Variants in CENPH observed in about 807,000 individuals in gnomAD.
The protein encoded by CENPH is centromere protein H.
A neutral mutation model predicts 42.9 loss-of-function variants in CENPH; 40 were observed. The observed-to-expected ratio is 0.93, with a 90% CI of 0.72 to 1.21. CENPH has a LOEUF of 1.21. CENPH is among the 50% of genes most tolerant of loss of function. CENPH has a pLI of 0.00. For missense variants in CENPH, 302 were observed against 292.9 expected, an observed-to-expected ratio of 1.03 and a Z score of -0.23; for synonymous variants, 88 against 96.5, an observed-to-expected ratio of 0.91 and a Z score of 0.52.
chr5:69,204,071 A>ATATATATTATATATATATATAATTTATAT (rs1418890038), intron 7 of CENPH, among the ~76,000 whole-genome samples: 1 of 56,486 alleles, frequency 1.8e-5, no homozygotes, highest in Non-Finnish European at 3.5e-5. Context: ...AAATATATAT[A>ATATATATTATATATATATATAATTTATAT]ATATATAAAT....
At chr5:69,191,030 T>G (rs1299997481) in intron 1 of CENPH, among the ~76,000 whole-genome samples, 2 of 152,258 alleles carry the variant, frequency 1.3e-5, no homozygotes, top group Non-Finnish European at 2.9e-5. Flanking sequence ...GTTTTTCTAC[T>G]TATGTATGAT....
At chr5:69,193,665 T>G (rs1358560023) in intron 2 of CENPH, among the ~76,000 whole-genome samples, 2 of 148,234 alleles carry the variant, frequency 1.3e-5, no homozygotes, top group East Asian at 2.0e-4. Context: ...TTTTTTCTGT[T>G]TTTTTTTTTT....
At chr5:69,191,759 A>C (rs2112080017) in intron 1 of CENPH, 36 bp from the exon 2 acceptor site, 1 of 1,317,944 alleles carries the variant, frequency 7.6e-7, no homozygotes, top group Non-Finnish European at 1.1e-6. Context: ...TTAATCAATA[A>C]ATATGTGACT....
chr5:69,191,850 A>G lies in CENPH; in HGVS notation c.190A>G (p.Ser64Gly). ...LLEYKSMVDA[S>G]EEKTPEQIMQ... ...AGAATATAAATCAATGGTTGATGCA[A>G]GTAAGTATTTTCATTTTCAAATTAG... is the stretch of plus-strand genomic sequence containing the variant. The change falls in exon 2 of 9, where the codon AGT (serine) becomes GGT (glycine). Residue 64 changes from serine to glycine, a missense_variant and splice_region_variant. Transcript: ENST00000283006. The G allele has an allele frequency of 6.6e-7, 1 of 1,511,852 alleles. No homozygotes were observed. Among genetic ancestry groups the G allele is most frequent in the Non-Finnish European group, 9.2e-7 (1 of 1,089,272 alleles). The allele number at this position is 1,511,852 out of a possible 1,614,324, so 93.7% of individuals were successfully genotyped here.
At chr5:69,200,005 C>T (rs942582309) in intron 5 of CENPH, among the ~76,000 whole-genome samples, 4 of 149,676 alleles carry the variant, frequency 2.7e-5, no homozygotes, top group African/African-American at 4.9e-5. Context: ...CCCAGCTACT[C>T]GGGAGGCTGA....
At chr5:69,200,456 C>T (rs1490276460) in intron 5 of CENPH, among the ~76,000 whole-genome samples, 1 of 152,166 alleles carries the variant, frequency 6.6e-6, no homozygotes, top group Non-Finnish European at 1.5e-5. Flanking sequence ...GCTTATAATC[C>T]TGTGCTGCCA....
At chr5:69,205,947 G>T (rs1344896022) in intron 7 of CENPH, among the ~76,000 whole-genome samples, 3 of 150,848 alleles carry the variant, frequency 2.0e-5, no homozygotes, top group African/African-American at 7.3e-5. Context: ...CTGACCTCGT[G>T]ATCCGCCCTC....
chr5:69,200,423 C>T (rs138381467), intron 5 of CENPH, among the ~76,000 whole-genome samples: 104 of 152,324 alleles, frequency 6.8e-4, no homozygotes, highest in African/African-American at 2.5e-3. Flanking sequence ...CCTCACTCAA[C>T]TCCCACAGTA....
intron 1 of CENPH, among the ~76,000 whole-genome samples, chr5:69,191,230 C>T (rs1041642928): frequency 8.6e-5 from 13 of 151,980 alleles, no homozygotes; most frequent in African/African-American, 3.1e-4. Context: ...TAATCTTAAG[C>T]GGCCGGGTGC....
intron 5 of CENPH, among the ~76,000 whole-genome samples, chr5:69,197,741 A>G (rs930019528): frequency 6.6e-6 from 1 of 151,938 alleles, no homozygotes; most frequent in African/African-American, 2.4e-5. Context: ...AACATGGCAC[A>G]TGTATACATA....
In CENPH at chr5:69,209,926, C is replaced by T. The variant is rs557839445; in HGVS notation, c.*127C>T. The T allele has an allele frequency of 5.7e-5, 31 of 540,996 alleles. 3 individuals carry two copies. The South Asian group carries it at 8.0e-4, about 14-fold the overall frequency. 33.5% of individuals were successfully genotyped at this position (540,996 alleles called of 1,614,324 possible). On this transcript the variant is annotated 3_prime_UTR_variant, in exon 9 of 9. Transcript: ENST00000283006. ...ATCCATAACGTTTACAGTTGTAGTA[C>T]AGTTGTGGTTAGTTATTTGTAGTGG...
intron 1 of CENPH, among the ~76,000 whole-genome samples, chr5:69,191,155 T>G (rs1325002061): frequency 6.6e-6 from 1 of 152,172 alleles, no homozygotes; most frequent in Admixed American, 6.5e-5. Flanking sequence ...TACAGTGGTT[T>G]GGGGTTTAAT....
chr5:69,197,645 A>T (rs1169788731), intron 5 of CENPH: 3 of 151,988 alleles, frequency 2.0e-5, no homozygotes, highest in Admixed American at 1.3e-4. Context: ...CACACTGGGG[A>T]CTGTTGTGGG....
chr5:69,205,507 G>A (rs529058622), intron 7 of CENPH, among the ~76,000 whole-genome samples: 38 of 151,782 alleles, frequency 2.5e-4, no homozygotes, highest in South Asian at 8.3e-4. Context: ...GATTATAGGC[G>A]TAAGCCACTG....
At position 69,195,783 on chromosome 5, in the gene CENPH, A is replaced by G. The variant is rs1417990508; in HGVS notation, c.306A>G (p.Ala102=). Residue 102 remains alanine, a synonymous_variant, in exon 4 of 9, where the codon GCA becomes GCG. Coordinates refer to ENST00000283006, the MANE Select transcript of CENPH (RefSeq NM_022909.4). ...TTGCTTTTGAGATAAAAAAGCTTGC[A>G]TTAGACAGGTAATTATTACATTTTA... ...VKVAFEIKKL[A]LDRMRLSTAL... 4 of 1,485,678 alleles carry G rather than the reference A, an allele frequency of 2.7e-6. No homozygotes were observed. Among genetic ancestry groups the G allele is most frequent in the South Asian group, 2.4e-5 (2 of 83,088 alleles). 92.0% of individuals were successfully genotyped at this position (1,485,678 alleles called of 1,614,324 possible).
At chr5:69,194,622 A>T in intron 2 of CENPH, 25 bp from the exon 3 acceptor site, 1 of 1,463,516 alleles carries the variant, frequency 6.8e-7, no homozygotes, top group Non-Finnish European at 9.4e-7. Context: ...AATGTTAGTA[A>T]CTTCAAAAAA....
chr5:69,190,851 A>G (rs1400052647), intron 1 of CENPH, among the ~76,000 whole-genome samples: 1 of 152,070 alleles, frequency 6.6e-6, no homozygotes, highest in East Asian at 1.9e-4. Flanking sequence ...AGATTGTGCC[A>G]TTGCACTCCA....
rs562655269 is a variant in CENPH, at chr5:69,189,612, G to T, written c.-23G>T. The T allele has an allele frequency of 1.3e-4, 200 of 1,581,588 alleles. No homozygotes were observed. Among genetic ancestry groups the T allele is most frequent in the Non-Finnish European group, 1.6e-4 (187 of 1,167,844 alleles). Reference sequence around the variant, plus strand: ...TCTGAGCGCGTTTGCCTGTTGAGTGGTAGCCTTTCCCCTCAACCAGCAATG... The same window carrying T: ...TCTGAGCGCGTTTGCCTGTTGAGTGTTAGCCTTTCCCCTCAACCAGCAATG... On this transcript the variant is annotated 5_prime_UTR_variant, in exon 1 of 9. Transcript: ENST00000283006.
At chr5:69,189,835 C>G in intron 1 of CENPH, 67 bp downstream of exon 1, 1 of 1,406,798 alleles carries the variant, frequency 7.1e-7, no homozygotes, top group Non-Finnish European at 9.3e-7. Context: ...CGCCCTTGCT[C>G]AGAAGGGCTA....
Sources: allele counts gnomAD v4.1 joint callset (sites outside exome capture counted in the v4.1 genomes callset), GRCh38; gene constraint gnomAD v4.1.1; transcripts MANE v1.5; gene names NCBI Gene and HGNC (gene_info 2026-07-23, HGNC 2026-07-21).